The following TACR1 variants were observed in gnomAD, a reference collection of about 807,000 sequenced individuals.
TACR1 encodes substance-P receptor.
Under a neutral mutation model 35.8 loss-of-function variants are expected in TACR1, and 25 were observed. That is an observed-to-expected ratio of 0.70 (90% confidence interval 0.51 to 0.98). The LOEUF is 0.98. Among genes scored for constraint, TACR1 ranks in the 50% least tolerant of loss-of-function variants. The probability of loss-of-function intolerance (pLI) is 0.00; values close to 1 mark genes in which losing one functional copy is unlikely to be tolerated. For synonymous variants in TACR1, 195 were observed against 206.7 expected (o/e 0.94, Z 0.48); for missense variants, 478 against 522.9 (o/e 0.91, Z 0.84).
intron 1 of TACR1, among the ~76,000 whole-genome samples, chr2:75,173,962 C>T (rs1675350891): frequency 6.6e-6 from 1 of 152,178 alleles, no homozygotes; most frequent in African/African-American, 2.4e-5. Context: ...ACACCAGTCT[C>T]CCTGGTGAGG....
At chr2:75,058,017 G>A (rs1033761800) in intron 2 of TACR1, among the ~76,000 whole-genome samples, 10 of 152,068 alleles carry the variant, frequency 6.6e-5, no homozygotes, top group Non-Finnish European at 2.9e-5. Context: ...CACCCTCCCC[G>A]TGCCACATCC....
At chr2:75,133,823 A>G (rs764732657) in intron 1 of TACR1, among the ~76,000 whole-genome samples, 7 of 152,322 alleles carry the variant, frequency 4.6e-5, no homozygotes, top group Non-Finnish European at 7.3e-5. Context: ...ACGGTTAGGC[A>G]TTCTAAATCA....
intron 2 of TACR1, among the ~76,000 whole-genome samples, chr2:75,110,879 T>C (rs1300485909): frequency 1.3e-5 from 2 of 152,162 alleles, no homozygotes; most frequent in East Asian, 1.9e-4. Flanking sequence ...TTGAAAACTT[T>C]GACAGATATT....
chr2:75,150,264 A>G (rs1296026405), intron 1 of TACR1, among the ~76,000 whole-genome samples: 1 of 152,246 alleles, frequency 6.6e-6, no homozygotes, highest in South Asian at 2.1e-4. Flanking sequence ...GAAACATGCT[A>G]TAATTTAATT....
rs1395432283 is a variant in TACR1, at chr2:75,048,425, C to A, written c.*1007G>T. 6.6e-6 allele frequency: 1 copy of A among 152,190 alleles called. No individual in the cohort carries two copies. The highest frequency in any genetic ancestry group is 1.5e-5 in the Non-Finnish European group (1 of 68,042). 9.4% of individuals were successfully genotyped at this position (152,190 alleles called of 1,614,324 possible). ...TGCTCTGTCAAAAGCCAAAACCTTC[C>A]ATGAGAAGGAATGTACTCAGGATTT... is the stretch of plus-strand genomic sequence containing the variant. On this transcript the variant is annotated 3_prime_UTR_variant, in exon 5 of 5. Coordinates refer to ENST00000305249, the MANE Select transcript of TACR1 (RefSeq NM_001058.4).
chr2:75,162,043 C>CAA (rs35438025), intron 1 of TACR1, among the ~76,000 whole-genome samples: 7,613 of 93,366 alleles, frequency 0.082, 710 homozygotes, highest in African/African-American at 0.2. Flanking sequence ...TTGACTCTTC[C>CAA]AAAAAAAAAA....
At chr2:75,050,453 C>G (rs913021473) in intron 4 of TACR1, among the ~76,000 whole-genome samples, 4 of 152,178 alleles carry the variant, frequency 2.6e-5, no homozygotes, top group Non-Finnish European at 4.4e-5. Flanking sequence ...TTATTCCTCT[C>G]CCGCCTCCTT....
chr2:75,174,949 TC>T (rs1314953902), intron 1 of TACR1, among the ~76,000 whole-genome samples: 1 of 152,208 alleles, frequency 6.6e-6, no homozygotes, highest in Non-Finnish European at 1.5e-5. Context: ...AGAAATCAAT[TC>T]AGGAGTCTTT....
At chr2:75,180,860 T>A (rs901192098) in intron 1 of TACR1, among the ~76,000 whole-genome samples, 3 of 152,228 alleles carry the variant, frequency 2.0e-5, no homozygotes, top group African/African-American at 7.2e-5. Flanking sequence ...TGGCAATATA[T>A]AACTGATACA....
intron 1 of TACR1, among the ~76,000 whole-genome samples, chr2:75,190,630 A>G (rs1675820707): frequency 1.3e-5 from 2 of 152,282 alleles, no homozygotes; most frequent in Non-Finnish European, 2.9e-5. Context: ...AGTGGATGTC[A>G]GACTTTTCAA....
chr2:75,150,435 C>G (rs1025151590), intron 1 of TACR1, among the ~76,000 whole-genome samples: 1 of 152,128 alleles, frequency 6.6e-6, no homozygotes, highest in Non-Finnish European at 1.5e-5. Context: ...CTTTCCCATG[C>G]TTTTCTTGTG....
chr2:75,066,626 T>C (rs537175415), intron 2 of TACR1, among the ~76,000 whole-genome samples: 1 of 152,332 alleles, frequency 6.6e-6, no homozygotes, highest in African/African-American at 2.4e-5. Context: ...GTTCTTGTCT[T>C]GAACCCTGAG....
chr2:75,155,095 C>A (rs775973733), intron 1 of TACR1, among the ~76,000 whole-genome samples: 3 of 152,152 alleles, frequency 2.0e-5, no homozygotes, highest in Non-Finnish European at 4.4e-5. Context: ...CTTTGACCTC[C>A]ATTTAAAAAA....
chr2:75,069,631 C>G (rs1272021709), intron 2 of TACR1, among the ~76,000 whole-genome samples: 1 of 152,142 alleles, frequency 6.6e-6, no homozygotes, highest in Non-Finnish European at 1.5e-5. Flanking sequence ...CTCCTTAAAC[C>G]CCTTTGGGCT....
intron 1 of TACR1, among the ~76,000 whole-genome samples, chr2:75,144,227 G>C (rs1674462906): frequency 6.6e-6 from 1 of 152,196 alleles, no homozygotes; most frequent in Non-Finnish European, 1.5e-5. Context: ...CTGGACTGGA[G>C]AGGTGTGATA....
At chr2:75,146,589 A>G (rs973802843) in intron 1 of TACR1, among the ~76,000 whole-genome samples, 3 of 152,220 alleles carry the variant, frequency 2.0e-5, no homozygotes, top group African/African-American at 7.2e-5. Context: ...AATTCATTGC[A>G]GCTGTGGGGG....
At chr2:75,140,557 C>G (rs1674381228) in intron 1 of TACR1, among the ~76,000 whole-genome samples, 2 of 152,120 alleles carry the variant, frequency 1.3e-5, no homozygotes, top group Admixed American at 1.3e-4. Context: ...TCTGCCAAAC[C>G]AAATACTGTC....
intron 1 of TACR1, among the ~76,000 whole-genome samples, chr2:75,140,315 G>C (rs1674377297): frequency 6.6e-6 from 1 of 152,052 alleles, no homozygotes. Context: ...GTTGGAAGTG[G>C]CAGAAAAGTT....
At chr2:75,172,223 G>T (rs1338299666) in intron 1 of TACR1, among the ~76,000 whole-genome samples, 1 of 152,040 alleles carries the variant, frequency 6.6e-6, no homozygotes, top group Non-Finnish European at 1.5e-5. Context: ...TGACAAACAG[G>T]GGCCATTGAA....
Sources: gnomAD v4.1 joint callset for allele counts (sites outside exome capture counted in the v4.1 genomes callset) on GRCh38, gnomAD v4.1.1 for gene constraint, MANE v1.5 for transcripts, NCBI Gene and HGNC (gene_info 2026-07-23, HGNC 2026-07-21) for gene names.